The following MAPDA variants were observed in gnomAD, a reference collection of about 807,000 sequenced individuals.
MAPDA encodes N6,N6-dimethyl-AMP deaminase.
chr15:43,351,698 TTTTGAAAAATC>T, the MAPDA span: 1 of 1,473,604 alleles, frequency 6.8e-7, no homozygotes, highest in Non-Finnish European at 9.0e-7. Context: ...AGATGGTTGT[TTTTGAAAAATC>T]CTTCCTTTTT....
the MAPDA span, among the ~76,000 whole-genome samples, chr15:43,337,375 G>A: frequency 6.6e-6 from 1 of 152,100 alleles, no homozygotes; most frequent in Non-Finnish European, 1.5e-5. Flanking sequence ...TGTATGGGTG[G>A]ACATTATAGA....
At chr15:43,347,138 A>G in the MAPDA span, 6 of 1,487,794 alleles carry the variant, frequency 4.0e-6, no homozygotes, top group African/African-American at 8.3e-5. Context: ...AGATTGTAAT[A>G]GAAAATAATA....
chr15:43,349,237 G>C, the MAPDA span: 1 of 1,376,378 alleles, frequency 7.3e-7, no homozygotes, highest in Non-Finnish European at 9.4e-7. Context: ...TAAGCTCTAT[G>C]AGAGCAGGGC....
chr15:43,344,730 C>T, the MAPDA span, among the ~76,000 whole-genome samples: 5 of 149,696 alleles, frequency 3.3e-5, no homozygotes, highest in Non-Finnish European at 5.9e-5. Flanking sequence ...TGCTTGAACC[C>T]GGGAGGTGGA....
At chr15:43,349,000 T>A in the MAPDA span, 12 of 1,614,030 alleles carry the variant, frequency 7.4e-6, no homozygotes, top group African/African-American at 4.0e-5. Context: ...TGAGGGAGGA[T>A]CCCTGGATCT....
At chr15:43,348,390 GA>G in the MAPDA span, among the ~76,000 whole-genome samples, 3 of 151,838 alleles carry the variant, frequency 2.0e-5, no homozygotes, top group African/African-American at 7.3e-5. Context: ...ATGTATACCT[GA>G]AAAAAATCCA....
At chr15:43,330,577 A>G in the MAPDA span, 4 of 1,422,240 alleles carry the variant, frequency 2.8e-6, no homozygotes, top group South Asian at 3.1e-5. Context: ...GGTAGGGGGA[A>G]AAAAACCACC....
the MAPDA span, chr15:43,348,925 G>T: frequency 6.2e-7 from 1 of 1,613,564 alleles, no homozygotes; most frequent in African/African-American, 1.3e-5. Context: ...CCAAAAAAAA[G>T]AAACACAAAT....
the MAPDA span, chr15:43,354,369 C>T: frequency 6.6e-6 from 1 of 152,188 alleles, no homozygotes; most frequent in South Asian, 2.1e-4. Context: ...TCTACTCATA[C>T]AGAAATTGCA....
At chr15:43,350,979 C>G in the MAPDA span, 3 of 1,551,662 alleles carry the variant, frequency 1.9e-6, no homozygotes, top group East Asian at 7.3e-5. Context: ...TCAGACAGTT[C>G]CATCTTATGA....
chr15:43,335,986 G>T, the MAPDA span, among the ~76,000 whole-genome samples: 1 of 152,216 alleles, frequency 6.6e-6, no homozygotes, highest in Non-Finnish European at 1.5e-5. Flanking sequence ...CCAGCTGTTA[G>T]ACTGTTGACA....
At chr15:43,334,447 G>C in the MAPDA span, among the ~76,000 whole-genome samples, 1 of 151,166 alleles carries the variant, frequency 6.6e-6, no homozygotes, top group Non-Finnish European at 1.5e-5. Flanking sequence ...GGCCAACATG[G>C]TGAGACCCTG....
chr15:43,345,802 CTT>C, the MAPDA span: 3 of 1,607,744 alleles, frequency 1.9e-6, no homozygotes, highest in African/African-American at 1.3e-5. Flanking sequence ...TCAGAATTGT[CTT>C]TTTCATCTGT....
the MAPDA span, chr15:43,351,261 G>A: frequency 4.0e-6 from 2 of 496,368 alleles, no homozygotes; most frequent in Non-Finnish European, 7.2e-6. Context: ...AGGAGGAGGA[G>A]GTTGCAGTGA....
At chr15:43,331,326 G>A in the MAPDA span, among the ~76,000 whole-genome samples, 1 of 152,200 alleles carries the variant, frequency 6.6e-6, no homozygotes, top group African/African-American at 2.4e-5. Flanking sequence ...TCTGAGCTTT[G>A]TTTTTAAGGA....
the MAPDA span, among the ~76,000 whole-genome samples, chr15:43,341,048 G>A: frequency 1.3e-5 from 2 of 152,130 alleles, no homozygotes; most frequent in African/African-American, 4.8e-5. Flanking sequence ...ATGAGATCTG[G>A]CTATGATCTG....
chr15:43,350,706 G>A, the MAPDA span, among the ~76,000 whole-genome samples: 2 of 152,100 alleles, frequency 1.3e-5, no homozygotes, highest in Admixed American at 6.5e-5. Context: ...GCTGTAAAAG[G>A]GATATTAATT....
the MAPDA span, chr15:43,342,853 G>A: frequency 1.8e-6 from 1 of 548,788 alleles, no homozygotes; most frequent in Non-Finnish European, 3.2e-6. Flanking sequence ...ATACCCATAA[G>A]GGCCATGTTT....
chr15:43,339,374 T>C, the MAPDA span, among the ~76,000 whole-genome samples: 28 of 152,290 alleles, frequency 1.8e-4, no homozygotes, highest in Non-Finnish European at 2.2e-4. Flanking sequence ...TTTTTGTCTT[T>C]AGTGGAAAAA....
Sources: allele counts gnomAD v4.1 joint callset (sites outside exome capture counted in the v4.1 genomes callset), GRCh38; gene constraint gnomAD v4.1.1; transcripts MANE v1.5; gene names NCBI Gene and HGNC (gene_info 2026-07-23, HGNC 2026-07-21).